The following COG6 variants were observed in gnomAD, a reference collection of about 807,000 sequenced individuals.
COG6 encodes the protein component of oligomeric golgi complex 6.
A neutral mutation model predicts 88.8 loss-of-function variants in COG6; 74 were observed. The ratio of observed to expected loss-of-function variants is 0.83; its 90% CI spans 0.69 to 1.01. The LOEUF (loss-of-function observed/expected upper bound fraction) is 1.01, where lower values mean the gene tolerates loss of function less well. COG6 is among the 50% of genes least tolerant of loss of function. The probability of loss-of-function intolerance (pLI) is 0.00; values close to 1 mark genes in which losing one functional copy is unlikely to be tolerated. For synonymous variants in COG6, 286 were observed against 278.7 expected, an observed-to-expected ratio of 1.03 and a Z score of -0.26; for missense variants, 800 against 797.9, an observed-to-expected ratio of 1.00 and a Z score of -0.03.
chr13:39,761,575 TAATC>T (rs1156510646), intron 18 of COG6, among the ~76,000 whole-genome samples: 3 of 151,730 alleles, frequency 2.0e-5, no homozygotes, highest in African/African-American at 7.3e-5. Context: ...GTAAAAGAAA[TAATC>T]AATAGAGTGA....
intron 18 of COG6, among the ~76,000 whole-genome samples, chr13:39,741,500 G>C (rs930524590): frequency 2.6e-5 from 4 of 152,154 alleles, no homozygotes; most frequent in Non-Finnish European, 5.9e-5. Context: ...GTGGAAGAAA[G>C]GGTATCAGTG....
chr13:39,706,289 A>G (rs1462150009), intron 13 of COG6, among the ~76,000 whole-genome samples: 5 of 127,418 alleles, frequency 3.9e-5, no homozygotes, highest in East Asian at 2.1e-4. Flanking sequence ...TTAAATATAT[A>G]TAGAGAGAGA....
At position 39,659,515 on chromosome 13, in the gene COG6, A is replaced by G. The variant is rs2137942293; in HGVS notation, c.297+8A>G. The G allele has an allele frequency of 5.0e-6, 8 of 1,610,652 alleles. No individual in the cohort carries two copies. The South Asian group carries it at 6.6e-5, about 13-fold the overall frequency. ...TTCAAGGAAGTGAAGGAGGTATGTAAACTCTTTTCATTTAGCATATATTGA... is the reference window on the plus strand; with the variant it reads ...TTCAAGGAAGTGAAGGAGGTATGTAGACTCTTTTCATTTAGCATATATTGA... On this transcript the variant is annotated splice_region_variant and intron_variant, in intron 2 of 18. Coordinates refer to ENST00000455146, the MANE Select transcript of COG6 (RefSeq NM_020751.3).
At chr13:39,709,345 T>A (rs1206540199) in intron 13 of COG6, among the ~76,000 whole-genome samples, 1 of 152,144 alleles carries the variant, frequency 6.6e-6, no homozygotes, top group African/African-American at 2.4e-5. Flanking sequence ...CATGTTACAT[T>A]TATATATTAT....
At chr13:39,744,549 G>A (rs1880229879) in intron 18 of COG6, among the ~76,000 whole-genome samples, 1 of 152,158 alleles carries the variant, frequency 6.6e-6, no homozygotes, top group Non-Finnish European at 1.5e-5. Context: ...AACTTACAAG[G>A]GATGTGAAGG....
intron 4 of COG6, among the ~76,000 whole-genome samples, chr13:39,675,267 G>A (rs1223748545): frequency 4.6e-5 from 7 of 152,100 alleles, no homozygotes; most frequent in African/African-American, 1.7e-4. Context: ...TGTCATAAGT[G>A]CCTTTTATCA....
chr13:39,733,248 C>T (rs1157966945), intron 18 of COG6, among the ~76,000 whole-genome samples: 10 of 142,626 alleles, frequency 7.0e-5, no homozygotes, highest in African/African-American at 2.1e-4. Flanking sequence ...TGGAGTGGAG[C>T]GGCGCGATCT....
intron 18 of COG6, among the ~76,000 whole-genome samples, chr13:39,737,464 G>A (rs2138115385): frequency 6.6e-6 from 1 of 151,264 alleles, no homozygotes; most frequent in East Asian, 1.9e-4. Flanking sequence ...GCAGGGCCTG[G>A]AGTCAGGAAC....
chr13:39,765,579 T>A (rs1170816373), intron 18 of COG6, among the ~76,000 whole-genome samples: 1 of 152,238 alleles, frequency 6.6e-6, no homozygotes, highest in Non-Finnish European at 1.5e-5. Flanking sequence ...TCAGATTGAT[T>A]TCCAGCTTTT....
chr13:39,719,905 A>G, intron 15 of COG6, 78 bp downstream of exon 15: 1 of 1,179,992 alleles, frequency 8.5e-7, no homozygotes, highest in East Asian at 2.4e-5. Context: ...TATTGGCTTA[A>G]CTAGTTTTAA....
At chr13:39,667,590 C>T (rs116791336) in intron 4 of COG6, among the ~76,000 whole-genome samples, 3,673 of 152,240 alleles carry the variant, frequency 0.024, 147 homozygotes, top group African/African-American at 0.084. Flanking sequence ...TTCAGAGCAT[C>T]TTCAATCCAA....
intron 18 of COG6, among the ~76,000 whole-genome samples, chr13:39,779,777 C>A (rs1384159739): frequency 6.6e-6 from 1 of 152,108 alleles, no homozygotes; most frequent in Non-Finnish European, 1.5e-5. Flanking sequence ...GGAAGGGGAC[C>A]CAGGGCCAGA....
chr13:39,663,008 G>T (rs997172149), intron 3 of COG6, among the ~76,000 whole-genome samples: 2 of 151,630 alleles, frequency 1.3e-5, no homozygotes, highest in African/African-American at 4.8e-5. Flanking sequence ...GAAATTATTA[G>T]AAAACATTTA....
At chr13:39,662,122 C>T (rs1349128621) in intron 3 of COG6, among the ~76,000 whole-genome samples, 1 of 142,408 alleles carries the variant, frequency 7.0e-6, no homozygotes, top group Non-Finnish European at 1.5e-5. Context: ...CAAAGTGTCT[C>T]TTTCTGTTTT....
In COG6 at chr13:39,719,725, A is replaced by G; in HGVS notation, c.1482A>G (p.Thr494=). ...CTGTATCAGCCAGCAATTTAGGCAC[A>G]GCTGACATGGCCACTTTCATGGTCA... ...MCTVSASNLG[T]ADMATFMVNS... Residue 494 remains threonine, a synonymous_variant, in exon 15 of 19, where the codon ACA becomes ACG. Coordinates refer to ENST00000455146, the MANE Select transcript of COG6 (RefSeq NM_020751.3). 1 of 1,612,622 alleles carries G rather than the reference A, an allele frequency of 6.2e-7. No homozygotes were observed. Among genetic ancestry groups the G allele is most frequent in the Non-Finnish European group, 8.5e-7 (1 of 1,178,838 alleles).
intron 13 of COG6, among the ~76,000 whole-genome samples, chr13:39,701,968 C>T (rs1041864383): frequency 5.3e-5 from 8 of 151,914 alleles, no homozygotes; most frequent in African/African-American, 1.9e-4. Context: ...AATTGACAAA[C>T]TTCTAGCAAG....
chr13:39,772,800 C>G (rs925901147), intron 18 of COG6, among the ~76,000 whole-genome samples: 4 of 152,214 alleles, frequency 2.6e-5, no homozygotes, highest in Non-Finnish European at 5.9e-5. Context: ...CTCTCCTGCC[C>G]CCATTGAGGA....
chr13:39,709,129 A>T (rs1878100924), intron 13 of COG6, among the ~76,000 whole-genome samples: 1 of 152,180 alleles, frequency 6.6e-6, no homozygotes, highest in Non-Finnish European at 1.5e-5. Flanking sequence ...TTTTTACTAA[A>T]TGTAAAACAA....
intron 13 of COG6, among the ~76,000 whole-genome samples, chr13:39,711,696 C>T (rs981290436): frequency 5.3e-5 from 8 of 152,066 alleles, no homozygotes; most frequent in African/African-American, 1.4e-4. Flanking sequence ...ATACATGGTA[C>T]AGTTTTTAGA....
Sources: gnomAD v4.1 joint callset for allele counts (sites outside exome capture counted in the v4.1 genomes callset) on GRCh38, gnomAD v4.1.1 for gene constraint, MANE v1.5 for transcripts, NCBI Gene and HGNC (gene_info 2026-07-23, HGNC 2026-07-21) for gene names.